The following MYH14 variants were observed in gnomAD, a reference collection of about 807,000 sequenced individuals.
MYH14 encodes the protein myosin heavy chain 14.
MYH14 carries 123 observed loss-of-function variants against 255.5 expected under a neutral mutation model. That is an observed-to-expected ratio of 0.48 (90% confidence interval 0.42 to 0.56). The LOEUF is 0.56. Ranked by LOEUF, MYH14 falls within the 20% of genes least tolerant of loss-of-function variation. The pLI is 0.00. For synonymous variants in MYH14, 1,095 were observed against 1,161.2 expected, an observed-to-expected ratio of 0.94 and a Z score of 1.16; for missense variants, 2,423 against 2,802.3, an observed-to-expected ratio of 0.86 and a Z score of 3.06.
In MYH14 at chr19:50,272,629, G is replaced by A. The variant is rs1384472666; in HGVS notation, c.3365G>A (p.Ser1122Asn). Residue 1122 changes from serine to asparagine, a missense_variant, in exon 27 of 43, where the codon AGC becomes AAC. Around this residue, in one of 3 missense-constraint regions of MYH14, gnomAD observed 1,513 missense variants for 1,674.8 expected, o/e 0.90. Coordinates refer to ENST00000642316, the MANE Select transcript of MYH14 (RefSeq NM_001145809.2). ...CTGAAGCGGAGGCTGGATGGGGAGA[G>A]CTCAGAGCTGCAGGAGCAGATGGTG... ...EKLKRRLDGE[S>N]SELQEQMVEQ... 1.3e-6 allele frequency: 2 copies of A among 1,574,924 alleles called. No homozygotes were observed. The highest frequency in any genetic ancestry group is 2.3e-5 in the East Asian group (1 of 43,250).
chr19:50,274,682 A>C (rs1234136159), intron 27 of MYH14, among the ~76,000 whole-genome samples: 1 of 152,124 alleles, frequency 6.6e-6, no homozygotes, highest in East Asian at 1.9e-4. Flanking sequence ...ATAATCCAGC[A>C]CTCTGAGAGT....
chr19:50,290,959 C>T lies in MYH14; in HGVS notation c.5038C>T (p.Leu1680=). ...TCTGGCCGTGGCTGCCCGCAAGAAG[C>T]TGGAGGGAGAGCTGGAGGAGCTGAA... is the stretch of plus-strand genomic sequence containing the variant. The part of the protein sequence containing the change: ...RTLAVAARKK[L]EGELEELKAQ... Residue 1680 remains leucine (L), a synonymous_variant, in exon 36 of 43, where the codon CTG becomes TTG. Transcript: ENST00000642316. 6.2e-7 allele frequency: 1 copy of T among 1,603,816 alleles called. No individual in the cohort carries two copies. The highest frequency in any genetic ancestry group is 8.5e-7 in the Non-Finnish European group (1 of 1,175,798).
At chr19:50,299,314 G>A (rs1052281323) in intron 39 of MYH14, among the ~76,000 whole-genome samples, 3 of 151,942 alleles carry the variant, frequency 2.0e-5, no homozygotes, top group Non-Finnish European at 4.4e-5. Flanking sequence ...TCACATCTGT[G>A]ATTCCAGCAC....
At chr19:50,262,486 C>T (rs920519841) in intron 21 of MYH14, among the ~76,000 whole-genome samples, 3 of 150,482 alleles carry the variant, frequency 2.0e-5, no homozygotes, top group African/African-American at 7.4e-5. Context: ...TGCAGTGAGC[C>T]AAGATCATGT....
At chr19:50,209,641 G>A (rs375383039) in intron 1 of MYH14, among the ~76,000 whole-genome samples, 9 of 151,882 alleles carry the variant, frequency 5.9e-5, no homozygotes, top group African/African-American at 2.2e-4. Flanking sequence ...AACAATAGCC[G>A]GGTATGGTGG....
rs377462520 is a variant in MYH14 at position 50,280,249 on chromosome 19, A to T, written c.4156A>T (p.Thr1386Ser). ...TCTACAGGAGCTGCTGCAGGAGGAG[A>T]CCAGGGCGAAATTGGCCTTGGGGTC... Reference protein sequence around the residue: ...HDAQELLQEETRAKLALGSRV... With the variant: ...HDAQELLQEESRAKLALGSRV... The change falls in exon 32 of 43, where the codon ACC becomes TCC. Residue 1386 changes from threonine (T) to serine (S), a missense_variant. Thr to Ser is a moderately conservative substitution (Grantham distance 58, BLOSUM62 1). Around this residue, in one of 3 missense-constraint regions of MYH14, gnomAD observed 1,513 missense variants for 1,674.8 expected, o/e 0.90. Coordinates refer to ENST00000642316, the MANE Select transcript of MYH14 (RefSeq NM_001145809.2). This position sits in a 1 kb window ranked among gnomAD's most constrained non-coding sequence, Gnocchi z 4.8. 418 of 1,551,556 alleles carry T rather than the reference A, an allele frequency of 2.7e-4. 1 individual carries two copies. Among genetic ancestry groups the T allele is most frequent in the Non-Finnish European group, 3.6e-4 (410 of 1,147,012 alleles).
Position 50,232,078 on chromosome 19 carries a change from A to G in MYH14, c.1114+8A>G. The G allele has an allele frequency of 6.2e-7, 1 of 1,610,610 alleles. No homozygotes were observed. The highest frequency in any genetic ancestry group is 2.2e-5 in the East Asian group (1 of 44,874). On this transcript the variant is annotated splice_region_variant and intron_variant, in intron 10 of 42. Transcript: ENST00000642316. ...GCCACGAGGAAATCATCTGTGAGTGAGCCCCGTGGAGGCCAGGGGTAGGGG... is the reference window on the plus strand; with the variant it reads ...GCCACGAGGAAATCATCTGTGAGTGGGCCCCGTGGAGGCCAGGGGTAGGGG...
At chr19:50,220,053 G>A (rs2032732060) in intron 3 of MYH14, among the ~76,000 whole-genome samples, 2 of 151,890 alleles carry the variant, frequency 1.3e-5, no homozygotes, top group South Asian at 4.1e-4. Flanking sequence ...AATTTAACAA[G>A]TTTTTGTTAA....
At chr19:50,261,808 G>T (rs2034891348) in intron 21 of MYH14, among the ~76,000 whole-genome samples, 173 bp downstream of exon 21, 1 of 152,038 alleles carries the variant, frequency 6.6e-6, no homozygotes, top group South Asian at 2.1e-4. Context: ...GAGGGGCCCT[G>T]TGGGCAGGGC....
chr19:50,268,139 T>C (rs1288055934), intron 23 of MYH14, 22 bp from the exon 24 acceptor site: 11 of 1,534,824 alleles, frequency 7.2e-6, no homozygotes, highest in Non-Finnish European at 9.6e-6. Context: ...TGCTGACCAC[T>C]AACCTCCCAC....
In MYH14 at chr19:50,266,971, C is replaced by T. The variant is rs763734848; in HGVS notation, c.2789C>T (p.Ala930Val). 6.4e-7 allele frequency: 1 copy of T among 1,567,922 alleles called. No homozygotes were observed. Among genetic ancestry groups the T allele is most frequent in the Non-Finnish European group, 8.6e-7 (1 of 1,156,586 alleles). Residue 930 changes from alanine to valine, a missense_variant, in exon 23 of 43, where the codon GCC (alanine) becomes GTC (valine). Coordinates refer to ENST00000642316, the MANE Select transcript of MYH14 (RefSeq NM_001145809.2). This position sits in a 1 kb window ranked among gnomAD's most constrained non-coding sequence, Gnocchi z 4.1. ...QKVQELQQQSAREVGELQGRV... is the reference protein window; with the variant it reads ...QKVQELQQQSVREVGELQGRV... Reference sequence around the variant, plus strand: ...GTGCAGGAGCTACAGCAGCAGAGCGCCCGCGAAGTTGGGGAGCTCCAGGGC... The same window carrying T: ...GTGCAGGAGCTACAGCAGCAGAGCGTCCGCGAAGTTGGGGAGCTCCAGGGC...
intron 33 of MYH14, 82 bp downstream of exon 33, chr19:50,281,924 C>A: frequency 6.9e-7 from 1 of 1,453,422 alleles, no homozygotes; most frequent in Non-Finnish European, 9.4e-7. Context: ...ACCAGTAATC[C>A]GTGCTGTCAC....
At chr19:50,309,498 C>G (rs2036773359) in intron 42 of MYH14, 142 bp from the exon 43 acceptor site, 1 of 661,362 alleles carries the variant, frequency 1.5e-6, no homozygotes, top group Non-Finnish European at 2.7e-6. Context: ...TTCTCTTGAT[C>G]TCATCCCTCT....
At position 50,226,933 on chromosome 19, in the gene MYH14, G is replaced by A. The variant is rs1432469829; in HGVS notation, c.841G>A (p.Ala281Thr). ...GKFIRINFDV[A>T]GYIVGANIET... ...ATTCATCCGCATCAACTTTGATGTT[G>A]CCGGGTACATCGTGGGCGCCAACAT... The change falls in exon 8 of 43, where the codon GCC becomes ACC. Residue 281 changes from alanine to threonine, a missense_variant. By Grantham distance (58) the Ala-to-Thr change is moderately conservative (BLOSUM62 0). Around this residue, in one of 3 missense-constraint regions of MYH14, gnomAD observed 672 missense variants for 881.8 expected, o/e 0.76. Transcript: ENST00000642316. 1 of 1,613,694 alleles carries A rather than the reference G, an allele frequency of 6.2e-7. No individual in the cohort carries two copies. Among genetic ancestry groups the A allele is most frequent in the Non-Finnish European group, 8.5e-7 (1 of 1,179,804 alleles).
At chr19:50,206,083 C>T (rs2031731884) in intron 1 of MYH14, among the ~76,000 whole-genome samples, 1 of 152,162 alleles carries the variant, frequency 6.6e-6, no homozygotes, top group South Asian at 2.1e-4. Flanking sequence ...GAGGCTCGGC[C>T]ACTTGGAGCC....
At chr19:50,274,291 C>A (rs1391887243) in intron 27 of MYH14, among the ~76,000 whole-genome samples, 1 of 151,962 alleles carries the variant, frequency 6.6e-6, no homozygotes, top group African/African-American at 2.4e-5. Flanking sequence ...CTATCTAGTT[C>A]TAGAACATTT....
At chr19:50,267,331 G>A (rs1173224217) in intron 23 of MYH14, among the ~76,000 whole-genome samples, 2 of 152,222 alleles carry the variant, frequency 1.3e-5, no homozygotes, top group East Asian at 3.9e-4. Context: ...CTCAGCTGTG[G>A]CCGGGCTATG....
At chr19:50,270,544 A>G (rs201557341) in intron 24 of MYH14, among the ~76,000 whole-genome samples, 1 of 102,142 alleles carries the variant, frequency 9.8e-6, no homozygotes, top group East Asian at 4.3e-4. Flanking sequence ...AAAAGAAAAG[A>G]AAAAAATTTA....
intron 10 of MYH14, among the ~76,000 whole-genome samples, chr19:50,233,653 G>A (rs1222734800): frequency 2.6e-5 from 4 of 152,174 alleles, no homozygotes; most frequent in African/African-American, 7.2e-5. Flanking sequence ...GGTTCATCCC[G>A]GGAGAATCGG....
Sources: allele counts gnomAD v4.1 joint callset (sites outside exome capture counted in the v4.1 genomes callset), GRCh38; gene constraint gnomAD v4.1.1; regional missense constraint gnomAD v4.1.1; non-coding constraint Gnocchi (gnomAD v3.1); transcripts MANE v1.5; gene names NCBI Gene and HGNC (gene_info 2026-07-23, HGNC 2026-07-21).